Variants in DYM observed in about 807,000 individuals in gnomAD.
The protein encoded by DYM is dymeclin, also known as dyggve-Melchior-Clausen syndrome protein.
In DYM, 78 loss-of-function variants were observed where a neutral mutation model predicts 93.1. The ratio of observed to expected loss-of-function variants is 0.84; its 90% CI spans 0.70 to 1.01. The LOEUF (loss-of-function observed/expected upper bound fraction) is 1.01. DYM is among the 50% of genes least tolerant of loss of function. The pLI, the probability that DYM is intolerant of heterozygous loss-of-function variation, is 0.00. For synonymous variants in DYM, 321 were observed against 319.7 expected, an observed-to-expected ratio of 1.00 and a Z score of -0.04; for missense variants, 789 against 845.0, an observed-to-expected ratio of 0.93 and a Z score of 0.82.
At chr18:49,072,370 G>A (rs565803968) in intron 17 of DYM, among the ~76,000 whole-genome samples, 13 of 152,040 alleles carry the variant, frequency 8.6e-5, no homozygotes, top group African/African-American at 1.4e-4. Flanking sequence ...TTTGAAAGAC[G>A]AAAATGCCAA....
chr18:49,082,824 T>C (rs897025210), intron 17 of DYM, among the ~76,000 whole-genome samples: 1 of 152,232 alleles, frequency 6.6e-6, no homozygotes, highest in Non-Finnish European at 1.5e-5. Context: ...TCAAGCACAA[T>C]GCTGAATACA....
chr18:49,078,333 C>T (rs1184711842), intron 17 of DYM, among the ~76,000 whole-genome samples: 1 of 152,014 alleles, frequency 6.6e-6, no homozygotes, highest in Non-Finnish European at 1.5e-5. Context: ...CGTTGCATGC[C>T]TGTATCAAAA....
At chr18:49,191,090 G>A (rs1568570482) in intron 14 of DYM, among the ~76,000 whole-genome samples, 1 of 141,198 alleles carries the variant, frequency 7.1e-6, no homozygotes, top group African/African-American at 2.6e-5. Flanking sequence ...GTGCAGGGGG[G>A]TTTGGGGGTT....
At chr18:49,443,286 T>C (rs2081822031) in intron 1 of DYM, among the ~76,000 whole-genome samples, 1 of 152,234 alleles carries the variant, frequency 6.6e-6, no homozygotes, top group Admixed American at 6.5e-5. Flanking sequence ...ACATGGTCTA[T>C]AGCTGTTTTC....
At chr18:49,141,521 T>G (rs1208256927) in intron 15 of DYM, among the ~76,000 whole-genome samples, 2 of 152,202 alleles carry the variant, frequency 1.3e-5, no homozygotes, top group East Asian at 3.9e-4. Context: ...GTTTCTTGAA[T>G]AAACAGAGCT....
intron 3 of DYM, among the ~76,000 whole-genome samples, chr18:49,382,628 G>A (rs1386436513): frequency 6.6e-6 from 1 of 151,664 alleles, no homozygotes; most frequent in Non-Finnish European, 1.5e-5. Flanking sequence ...AGACTCTGAC[G>A]AAGTTCAAAT....
intron 15 of DYM, among the ~76,000 whole-genome samples, chr18:49,155,418 A>G (rs932597446): frequency 5.3e-5 from 8 of 152,120 alleles, no homozygotes; most frequent in Non-Finnish European, 8.8e-5. Flanking sequence ...TACTTCACCA[A>G]TCTAAAGTAT....
At chr18:49,292,355 G>GACAGACAGACAGACACACACACACAC in intron 8 of DYM, among the ~76,000 whole-genome samples, 1 of 84,704 alleles carries the variant, frequency 1.2e-5, no homozygotes, top group South Asian at 4.5e-4. Flanking sequence ...CAGACAGACA[G>GACAGACAGACAGACACACACACACAC]ACACACACAC....
At chr18:49,430,749 G>C (rs758004806) in intron 1 of DYM, among the ~76,000 whole-genome samples, 20 of 152,062 alleles carry the variant, frequency 1.3e-4, no homozygotes, top group Non-Finnish European at 5.9e-5. Flanking sequence ...GCTGGGCGTG[G>C]TGGCACGCAC....
intron 11 of DYM, among the ~76,000 whole-genome samples, chr18:49,262,465 G>A (rs556762136): frequency 2.0e-5 from 3 of 152,332 alleles, no homozygotes; most frequent in African/African-American, 4.8e-5. Context: ...CTCAGTAACT[G>A]TGGTGGTCAG....
chr18:49,085,828 G>T (rs1350870513), intron 17 of DYM, among the ~76,000 whole-genome samples: 1 of 152,074 alleles, frequency 6.6e-6, no homozygotes, highest in Non-Finnish European at 1.5e-5. Flanking sequence ...GGCTGCTCTT[G>T]AACGTCTGAC....
intron 14 of DYM, chr18:49,208,422 G>A (rs2092626559): frequency 6.6e-6 from 1 of 152,032 alleles, no homozygotes; most frequent in Admixed American, 6.6e-5. Flanking sequence ...ATACGTAACA[G>A]TTAATTCTAT....
intron 8 of DYM, among the ~76,000 whole-genome samples, chr18:49,308,181 CAG>C (rs1170878742): frequency 1.3e-5 from 2 of 151,964 alleles, no homozygotes; most frequent in Non-Finnish European, 2.9e-5. Context: ...ATTTTTTTTA[CAG>C]AGACAGAATT....
At chr18:49,073,943 C>T (rs1382026746) in intron 17 of DYM, among the ~76,000 whole-genome samples, 2 of 152,054 alleles carry the variant, frequency 1.3e-5, no homozygotes, top group East Asian at 1.9e-4. Flanking sequence ...GTTACACTCG[C>T]TTTATTAAGG....
intron 1 of DYM, chr18:49,431,779 A>G (rs377305065): frequency 7.9e-5 from 12 of 152,214 alleles, no homozygotes; most frequent in African/African-American, 2.6e-4. Flanking sequence ...AGAATTTGGG[A>G]GCTGGATTGA....
At chr18:49,439,506 C>CAGGCCTT (rs1308546138) in intron 1 of DYM, among the ~76,000 whole-genome samples, 1 of 152,146 alleles carries the variant, frequency 6.6e-6, no homozygotes, top group Non-Finnish European at 1.5e-5. Flanking sequence ...AGGCATGAAT[C>CAGGCCTT]AGGCCTTACA....
intron 8 of DYM, among the ~76,000 whole-genome samples, chr18:49,318,752 T>C (rs1475672410): frequency 6.6e-6 from 1 of 151,684 alleles, no homozygotes; most frequent in South Asian, 2.1e-4. Context: ...AAATAGCATC[T>C]CTCTTGATAA....
At chr18:49,412,516 A>G (rs1330640203) in intron 2 of DYM, among the ~76,000 whole-genome samples, 1 of 152,208 alleles carries the variant, frequency 6.6e-6, no homozygotes, top group East Asian at 1.9e-4. Flanking sequence ...TTTGAAAAAT[A>G]TAATAAGATG....
intron 12 of DYM, 34 bp downstream of exon 12, chr18:49,258,346 G>T: frequency 1.4e-6 from 2 of 1,416,444 alleles, no homozygotes; most frequent in Non-Finnish European, 2.0e-6. Context: ...TGTACTGTAT[G>T]CAAAAAAGAT....
Sources: allele counts gnomAD v4.1 joint callset (sites outside exome capture counted in the v4.1 genomes callset), GRCh38; gene constraint gnomAD v4.1.1; transcripts MANE v1.5; gene names NCBI Gene and HGNC (gene_info 2026-07-23, HGNC 2026-07-21).